Variants in CREB3L3 observed in about 807,000 individuals in gnomAD.
CREB3L3 encodes the protein cyclic AMP-responsive element-binding protein 3-like protein 3.
Under a neutral mutation model 44.6 loss-of-function variants are expected in CREB3L3, and 40 were observed. The observed-to-expected ratio is 0.90, with a 90% CI of 0.70 to 1.17. The LOEUF (loss-of-function observed/expected upper bound fraction) is 1.17. Ranked by LOEUF, CREB3L3 falls within the 50% of genes most tolerant of loss-of-function variation. CREB3L3 has a pLI of 0.00. For synonymous variants in CREB3L3, 273 were observed against 256.3 expected (o/e 1.06, Z -0.62); for missense variants, 578 against 595.8 (o/e 0.97, Z 0.31).
chr19:4,171,472 T>A lies in CREB3L3; in HGVS notation c.1065T>A (p.Pro355=), dbSNP rs766773499. The change falls in exon 9 of 10, where the codon CCT becomes CCA. Residue 355 remains proline (P), a synonymous_variant. Transcript: ENST00000078445. This position sits in a 1 kb window ranked among gnomAD's most constrained non-coding sequence, Gnocchi z 4.9. The part of the protein sequence containing the change: ...NKTESPGDFA[P]VRVFSRTLHN... ...CCGAGAGCCCTGGGGACTTTGCGCCTGTACGAGGTAGGGGATCCCCACCTT... is the reference window on the plus strand; with the variant it reads ...CCGAGAGCCCTGGGGACTTTGCGCCAGTACGAGGTAGGGGATCCCCACCTT... 3 of 1,614,066 alleles carry A rather than the reference T, an allele frequency of 1.9e-6. No individual in the cohort carries two copies. The highest frequency in any genetic ancestry group is 2.5e-6 in the Non-Finnish European group (3 of 1,179,966).
chr19:4,165,716 C>T (rs977516057), intron 5 of CREB3L3, among the ~76,000 whole-genome samples: 5 of 151,730 alleles, frequency 3.3e-5, no homozygotes, highest in African/African-American at 1.2e-4. Context: ...CAAAAATTAG[C>T]TGTGCCTGGT....
rs2041704700 is a variant in CREB3L3 at position 4,164,770 on chromosome 19, A to G, written c.714+130A>G. On this transcript the variant is annotated intron_variant, in intron 5 of 9. Transcript: ENST00000078445. ...GTCACTGAGGCTGGGATGCAGTGGC[A>G]CGATCTCAGCTTGCTGCAACCTCTG... 2.7e-6 allele frequency: 3 copies of G among 1,105,986 alleles called. No individual in the cohort carries two copies. The Admixed American group carries it at 6.0e-5, about 22-fold the overall frequency. 68.5% of individuals were successfully genotyped at this position (1,105,986 alleles called of 1,614,324 possible). A position where few individuals can be genotyped will look rare whatever the true frequency, so the allele number is the denominator to read the frequency against.
In CREB3L3 at chr19:4,164,653, G is replaced by A; in HGVS notation, c.714+13G>A. 2 of 1,613,828 alleles carry A rather than the reference G, an allele frequency of 1.2e-6. No individual in the cohort carries two copies. The highest frequency in any genetic ancestry group is 1.1e-5 in the South Asian group (1 of 91,084). Reference sequence around the variant, plus strand: ...GCCCCTCACTAAGGTGAGTCTGGGGGGACTTCCAGCCCTGGATCCATCTCC... The same window carrying A: ...GCCCCTCACTAAGGTGAGTCTGGGGAGACTTCCAGCCCTGGATCCATCTCC... On this transcript the variant is annotated intron_variant, in intron 5 of 9. Coordinates refer to ENST00000078445, the MANE Select transcript of CREB3L3 (RefSeq NM_032607.3).
intron 3 of CREB3L3, among the ~76,000 whole-genome samples, chr19:4,158,352 C>T (rs2041613491): frequency 6.6e-6 from 1 of 151,562 alleles, no homozygotes; most frequent in African/African-American, 2.4e-5. Context: ...ACAAAATTAG[C>T]CGGGCATGGT....
Position 4,171,577 on chromosome 19 carries a change from C to T in CREB3L3, c.1073-79C>T. On this transcript the variant is annotated intron_variant, in intron 9 of 9. Coordinates refer to ENST00000078445, the MANE Select transcript of CREB3L3 (RefSeq NM_032607.3). The surrounding 1 kb of genome is among the most constrained non-coding windows in gnomAD (Gnocchi z 4.9). ...GAGAAGACCCCTGTGCCCTTGTTCC[C>T]TGAGGCTGGGGGCCAGGGAAGGGAG... 4 of 1,602,826 alleles carry T rather than the reference C, an allele frequency of 2.5e-6. No individual in the cohort carries two copies. The highest frequency in any genetic ancestry group is 1.7e-5 in the Admixed American group (1 of 59,998).
chr19:4,168,278 C>G, intron 5 of CREB3L3, 73 bp from the exon 6 acceptor site: 3 of 1,174,126 alleles, frequency 2.6e-6, no homozygotes, highest in Non-Finnish European at 3.8e-6. Context: ...GGATTACAGG[C>G]GAGAGCTACT....
At position 4,157,109 on chromosome 19, in the gene CREB3L3, G is replaced by T. The variant is rs1215881812; in HGVS notation, c.271G>T (p.Glu91Ter). 1.2e-6 allele frequency: 2 copies of T among 1,613,882 alleles called. No homozygotes were observed. Among genetic ancestry groups the T allele is most frequent in the South Asian group, 2.2e-5 (2 of 91,072 alleles). Residue 91 changes from glutamate (E) to a stop codon, truncating the protein, a stop_gained, in exon 3 of 10, where the codon GAA (glutamate) becomes TAA (stop). Transcript: ENST00000078445. LOFTEE classifies it high-confidence loss of function. Reference protein sequence around the residue: ...SPEGSDSGISEDLPSDPQDTP... With the variant: ...SPEGSDSGIS ...CGAAGGCAGTGATAGTGGCATCTCC[G>T]AAGACCTCCCCTCCGACCCCCAGGA...
intron 3 of CREB3L3, 100 bp from the exon 4 acceptor site, chr19:4,159,564 A>G: frequency 1.3e-6 from 1 of 765,792 alleles, no homozygotes; most frequent in Non-Finnish European, 2.4e-6. Flanking sequence ...GTTGGGATTA[A>G]TCATGGGAGA....
chr19:4,154,365 C>G (rs991739090), intron 1 of CREB3L3, among the ~76,000 whole-genome samples: 2 of 152,006 alleles, frequency 1.3e-5, no homozygotes, highest in South Asian at 2.1e-4. Flanking sequence ...AGCCACCGTG[C>G]CTGCCATACT....
intron 2 of CREB3L3, among the ~76,000 whole-genome samples, chr19:4,156,498 C>G (rs1176492974): frequency 7.1e-6 from 1 of 140,694 alleles, no homozygotes; most frequent in Non-Finnish European, 1.5e-5. Context: ...TTTTGTTTTT[C>G]TTTTTTTCTT....
At chr19:4,164,475 G>A (rs371763192) in intron 4 of CREB3L3, 28 bp from the exon 5 acceptor site, 26 of 1,613,226 alleles carry the variant, frequency 1.6e-5, no homozygotes, top group Admixed American at 1.5e-4. Context: ...CCCTGCACCC[G>A]CCGTCATTCC....
At chr19:4,159,831 C>T (rs371300023) in intron 4 of CREB3L3, 49 bp downstream of exon 4, 46 of 860,066 alleles carry the variant, frequency 5.3e-5, no homozygotes, top group Non-Finnish European at 8.3e-5. Context: ...GGGAGGGCTG[C>T]TCGGGTTCGA....
chr19:4,156,385 C>G (rs564468619), intron 2 of CREB3L3, among the ~76,000 whole-genome samples: 1 of 151,866 alleles, frequency 6.6e-6, no homozygotes, highest in South Asian at 2.1e-4. Flanking sequence ...CGGGGTTTCT[C>G]CCTGTTGGTC....
At position 4,172,966 on chromosome 19, in the gene CREB3L3, G is replaced by A. The variant is rs1427700567; in HGVS notation, c.*997G>A. On this transcript the variant is annotated 3_prime_UTR_variant, in exon 10 of 10. Transcript: ENST00000078445. Reference sequence around the variant, plus strand: ...CAGGGAGCCTGGCCCCGGAGCCCCGGGTGCGCCCTGGTCTTTGGAGCAGCC... The same window carrying A: ...CAGGGAGCCTGGCCCCGGAGCCCCGAGTGCGCCCTGGTCTTTGGAGCAGCC... 1 of 153,068 alleles carries A rather than the reference G, an allele frequency of 6.5e-6. No homozygotes were observed. The highest frequency in any genetic ancestry group is 1.5e-5 in the Non-Finnish European group (1 of 68,626). 9.5% of individuals were successfully genotyped at this position (153,068 alleles called of 1,614,324 possible).
intron 1 of CREB3L3, 147 bp from the exon 2 acceptor site, chr19:4,154,752 G>A: frequency 9.1e-7 from 1 of 1,104,372 alleles, no homozygotes; most frequent in Admixed American, 1.9e-5. Flanking sequence ...TTTGGAAAGG[G>A]AGTCTCAGCG....
rs1251041779 is a variant in CREB3L3 at position 4,164,652 on chromosome 19, G to A, written c.714+12G>A. The A allele has an allele frequency of 1.9e-6, 3 of 1,613,740 alleles. No homozygotes were observed. In the African/African-American group the frequency reaches 4.0e-5, roughly 22 times the overall value. The stretch of plus-strand genomic sequence containing the variant: ...TGCCCCTCACTAAGGTGAGTCTGGG[G>A]GGACTTCCAGCCCTGGATCCATCTC... On this transcript the variant is annotated intron_variant, in intron 5 of 9. Coordinates refer to ENST00000078445, the MANE Select transcript of CREB3L3 (RefSeq NM_032607.3).
At position 4,163,328 on chromosome 19, in the gene CREB3L3, A is replaced by AAAAGAAAGAAAG. The variant is rs141964111; in HGVS notation, c.577-1160_577-1149dup. On this transcript the variant is annotated intron_variant, in intron 4 of 9. Transcript: ENST00000078445. ...TCTAAGAAAGAAAGAAAGAAGAAAGAAAAGAAAGAAAGAAAGAAAGAAAGA... is the reference window on the plus strand; with the variant it reads ...TCTAAGAAAGAAAGAAAGAAGAAAGAAAAGAAAGAAAGAAAGAAAGAAAGAAAGAAAGAAAGA... Among the ~76,000 whole-genome samples the AAAAGAAAGAAAG allele has an allele frequency of 3.8e-3, 514 of 135,798 alleles. 7 individuals are homozygous for AAAAGAAAGAAAG. Among genetic ancestry groups the AAAAGAAAGAAAG allele is most frequent in the African/African-American group, 0.013 (495 of 36,682 alleles). 89.1% of individuals were successfully genotyped at this position (135,798 alleles called of 152,430 possible).
chr19:4,171,902 G>C lies in CREB3L3; in HGVS notation c.1319G>C (p.Trp440Ser). ...CTGGGCCAGGTCGCCCTGCTGGACT[G>C]GGTGGCGCCTGGGCCGAGCACTGGC... ...EGLGQVALLDWVAPGPSTGSG... is the reference protein window; with the variant it reads ...EGLGQVALLDSVAPGPSTGSG... Residue 440 changes from tryptophan to serine, a missense_variant, in exon 10 of 10, where the codon TGG (tryptophan) becomes TCG (serine). By Grantham distance (177) the Trp-to-Ser change is radical. Transcript: ENST00000078445. This position sits in a 1 kb window ranked among gnomAD's most constrained non-coding sequence, Gnocchi z 4.9. 1 of 1,612,524 alleles carries C rather than the reference G, an allele frequency of 6.2e-7. No individual in the cohort carries two copies. Among genetic ancestry groups the C allele is most frequent in the Non-Finnish European group, 8.5e-7 (1 of 1,179,680 alleles).
chr19:4,154,352 G>A (rs2041545991), intron 1 of CREB3L3, among the ~76,000 whole-genome samples: 1 of 152,074 alleles, frequency 6.6e-6, no homozygotes, highest in Non-Finnish European at 1.5e-5. Flanking sequence ...GATTACAGAT[G>A]TGAGCCACCG....
Sources: gnomAD v4.1 joint callset for allele counts (sites outside exome capture counted in the v4.1 genomes callset) on GRCh38, gnomAD v4.1.1 for gene constraint, Gnocchi (gnomAD v3.1) non-coding constraint, MANE v1.5 for transcripts, NCBI Gene and HGNC (gene_info 2026-07-23, HGNC 2026-07-21) for gene names.